TNN: variants seen among roughly 807,000 people sequenced by gnomAD.
TNN encodes the protein tenascin N, also known as tenascin-N.
TNN carries 122 observed loss-of-function variants against 134.4 expected under a neutral mutation model. That is an observed-to-expected ratio of 0.91 (90% CI 0.78 to 1.06). TNN has a LOEUF of 1.06. Among genes scored for constraint, TNN ranks in the 50% least tolerant of loss-of-function variants. TNN has a pLI of 0.00. For synonymous variants in TNN, 710 were observed against 670.3 expected, an observed-to-expected ratio of 1.06 and a Z score of -0.91; for missense variants, 1,739 against 1,699.4, an observed-to-expected ratio of 1.02 and a Z score of -0.41.
chr1:175,101,134 C>T (rs1039577714), intron 9 of TNN, among the ~76,000 whole-genome samples: 12 of 152,100 alleles, frequency 7.9e-5, no homozygotes, highest in Non-Finnish European at 1.2e-4. Context: ...GCTGCGGACC[C>T]TCGCGGTGAG....
rs367651372 is a variant in TNN at position 175,135,960 on chromosome 1, G to A, written c.3427+19G>A. The A allele has an allele frequency of 5.7e-5, 89 of 1,572,394 alleles. No homozygotes were observed. In the African/African-American group the frequency reaches 1.1e-3, roughly 19 times the overall value. ...TGGCTTGGTATGATCTCAGAATCCA[G>A]GAGGCTGGGGCTGTGGGGGGTGATT... On this transcript the variant is annotated intron_variant, in intron 16 of 18. Transcript: ENST00000239462.
intron 12 of TNN, among the ~76,000 whole-genome samples, chr1:175,126,748 GT>G (rs2101843417): frequency 6.6e-6 from 1 of 152,270 alleles, no homozygotes; most frequent in South Asian, 2.1e-4. Flanking sequence ...CCAACGCCCT[GT>G]TCTTCTTGTC....
At chr1:175,105,384 T>C (rs953150428) in intron 9 of TNN, among the ~76,000 whole-genome samples, 1 of 145,242 alleles carries the variant, frequency 6.9e-6, no homozygotes, top group Non-Finnish European at 1.5e-5. Context: ...CCTTTGGAGA[T>C]TTCTTTGCTT....
At chr1:175,078,240 C>T (rs1390666681) in intron 2 of TNN, among the ~76,000 whole-genome samples, 1 of 152,144 alleles carries the variant, frequency 6.6e-6, no homozygotes, top group Non-Finnish European at 1.5e-5. Context: ...TTGGGTAAAT[C>T]CCTTATGTTT....
chr1:175,138,043 G>A (rs1352036145), intron 17 of TNN, among the ~76,000 whole-genome samples: 1 of 152,194 alleles, frequency 6.6e-6, no homozygotes, highest in African/African-American at 2.4e-5. Flanking sequence ...GGGCTCTCCA[G>A]GCCTGGGGGC....
At chr1:175,128,824 T>C in intron 15 of TNN, 78 bp downstream of exon 15, 6 of 1,424,456 alleles carry the variant, frequency 4.2e-6, no homozygotes, top group Non-Finnish European at 5.6e-6. Flanking sequence ...GGATGCTCCA[T>C]AGAGTGTTTG....
At chr1:175,130,824 C>T (rs946634918) in intron 15 of TNN, among the ~76,000 whole-genome samples, 1 of 152,186 alleles carries the variant, frequency 6.6e-6, no homozygotes, top group Non-Finnish European at 1.5e-5. Flanking sequence ...GACCCCTCCT[C>T]AAACACAGAG....
chr1:175,112,059 T>A (rs901820809), intron 9 of TNN, among the ~76,000 whole-genome samples: 15 of 152,174 alleles, frequency 9.9e-5, no homozygotes, highest in African/African-American at 3.6e-4. Flanking sequence ...TGGTCATCCT[T>A]GTCTTGTTCT....
At chr1:175,090,310 C>T (rs938150722) in intron 6 of TNN, among the ~76,000 whole-genome samples, 2 of 152,086 alleles carry the variant, frequency 1.3e-5, no homozygotes, top group Non-Finnish European at 2.9e-5. Context: ...ACAAACGATG[C>T]CTTTTGGATA....
intron 17 of TNN, among the ~76,000 whole-genome samples, chr1:175,140,389 C>T (rs918660128): frequency 2.0e-5 from 3 of 152,176 alleles, no homozygotes; most frequent in African/African-American, 7.2e-5. Flanking sequence ...CCGTGTGCCC[C>T]ACATCTCTCC....
intron 17 of TNN, among the ~76,000 whole-genome samples, chr1:175,143,057 G>T (rs1004723126): frequency 1.3e-5 from 2 of 152,230 alleles, no homozygotes; most frequent in Non-Finnish European, 2.9e-5. Context: ...AGGTGGATTG[G>T]TGTCTCAGAA....
intron 12 of TNN, among the ~76,000 whole-genome samples, chr1:175,124,438 T>C (rs999063650): frequency 6.6e-6 from 1 of 152,146 alleles, no homozygotes; most frequent in African/African-American, 2.4e-5. Context: ...CCCAGCCCTT[T>C]GGGAGGTCAA....
At chr1:175,126,094 T>C (rs1675521756) in intron 12 of TNN, among the ~76,000 whole-genome samples, 1 of 97,630 alleles carries the variant, frequency 1.0e-5, no homozygotes. Flanking sequence ...ACATAACTTT[T>C]TGTTTCTTTC....
intron 6 of TNN, among the ~76,000 whole-genome samples, chr1:175,089,271 G>A (rs369858684): frequency 2.0e-5 from 3 of 152,328 alleles, no homozygotes; most frequent in Admixed American, 1.3e-4. Flanking sequence ...AGGAGGAAAC[G>A]AGGAAATGAC....
At chr1:175,136,782 G>A in intron 16 of TNN, 39 bp from the exon 17 acceptor site, 1 of 1,598,236 alleles carries the variant, frequency 6.3e-7, no homozygotes, top group Non-Finnish European at 8.5e-7. Context: ...TCGCACACAT[G>A]GGTTGATTGA....
chr1:175,095,676 C>T lies in TNN; in HGVS notation c.1588+1423C>T, dbSNP rs568056327. 7.2e-5 allele frequency among the ~76,000 whole-genome samples: 11 copies of T among 152,282 alleles called. No homozygotes were observed. The East Asian group carries it at 1.2e-3, about 16-fold the overall frequency. ...GCAACCTCCATCTCCCGGGTTCAAGCGATTCTCCTGCCTCAGCCTCCCAAG... is the reference window on the plus strand; with the variant it reads ...GCAACCTCCATCTCCCGGGTTCAAGTGATTCTCCTGCCTCAGCCTCCCAAG... On this transcript the variant is annotated intron_variant, in intron 7 of 18. Coordinates refer to ENST00000239462, the MANE Select transcript of TNN (RefSeq NM_022093.2).
chr1:175,118,629 C>T lies in TNN; in HGVS notation c.2455C>T (p.Pro819Ser). 6.2e-7 allele frequency: 1 copy of T among 1,614,182 alleles called. No homozygotes were observed. Among genetic ancestry groups the T allele is most frequent in the African/African-American group, 1.3e-5 (1 of 75,032 alleles). The change falls in exon 11 of 19, where the codon CCG becomes TCG. Residue 819 changes from proline to serine, a missense_variant. Physicochemically the swap from Pro to Ser is moderately conservative, Grantham distance 74. Coordinates refer to ENST00000239462, the MANE Select transcript of TNN (RefSeq NM_022093.2). ...GAATACAGCCACTGTCTCCTGGGAC[C>T]CGGTGCAGGCCACCATTGACAGGTA... ...TENTATVSWD[P>S]VQATIDRYVV... is the part of the protein sequence containing the mutation.
rs140558584 is a variant in TNN at position 175,120,950 on chromosome 1, G to T, written c.2650+2126G>T. Among the ~76,000 whole-genome samples, 180 of 152,246 alleles carry T rather than the reference G, an allele frequency of 1.2e-3. 1 individual carries two copies. The highest frequency in any genetic ancestry group is 4.1e-3 in the African/African-American group (172 of 41,540). ...CAAGTAGCTGGGACCATAGGCACGT[G>T]CCACTAAACCTGTAATTTTTTATTT... is the stretch of plus-strand genomic sequence containing the variant. On this transcript the variant is annotated intron_variant, in intron 11 of 18. Transcript: ENST00000239462.
chr1:175,102,772 G>C (rs998901225), intron 9 of TNN, among the ~76,000 whole-genome samples: 2 of 146,412 alleles, frequency 1.4e-5, no homozygotes, highest in Admixed American at 1.4e-4. Context: ...GGACTGAAGG[G>C]CTCCTCAAAT....
Sources: allele counts gnomAD v4.1 joint callset (sites outside exome capture counted in the v4.1 genomes callset), GRCh38; gene constraint gnomAD v4.1.1; transcripts MANE v1.5; gene names NCBI Gene and HGNC (gene_info 2026-07-23, HGNC 2026-07-21).